ATP6V0A4: variants seen among roughly 807,000 people sequenced by gnomAD.
ATP6V0A4 encodes the protein V-type proton ATPase 116 kDa subunit a 4.
Under a neutral mutation model 107.3 loss-of-function variants are expected in ATP6V0A4, and 86 were observed. The observed-to-expected ratio is 0.80, with a 90% CI of 0.67 to 0.96. The LOEUF (loss-of-function observed/expected upper bound fraction) is 0.96, where lower values mean the gene tolerates loss of function less well. Among genes scored for constraint, ATP6V0A4 ranks in the 40% least tolerant of loss-of-function variants. The probability of loss-of-function intolerance (pLI) is 0.00; values close to 1 mark genes in which losing one functional copy is unlikely to be tolerated. For missense variants in ATP6V0A4, 908 were observed against 1,045.6 expected (o/e 0.87, Z 1.81); for synonymous variants, 353 against 381.4 (o/e 0.93, Z 0.87).
intron 7 of ATP6V0A4, among the ~76,000 whole-genome samples, chr7:138,760,374 C>T (rs893892569): frequency 9.2e-5 from 13 of 140,582 alleles, no homozygotes; most frequent in South Asian, 2.3e-4. Flanking sequence ...ACCTGGGAGG[C>T]GGAGGTTGCA....
rs548738180 is a variant in ATP6V0A4 at position 138,714,193 on chromosome 7, G to A, written c.2257+1571C>T. 5.5e-5 allele frequency among the ~76,000 whole-genome samples: 8 copies of A among 144,934 alleles called. No individual in the cohort carries two copies. In the East Asian group the frequency reaches 8.7e-4, roughly 16 times the overall value. On this transcript the variant is annotated intron_variant, in intron 20 of 21. Coordinates refer to ENST00000310018, the MANE Select transcript of ATP6V0A4 (RefSeq NM_020632.3). ...CCTGGGAGTTCGAGGCCGTGATAGC[G>A]CCACTGCACTCCATCCTGGGCAACA...
intron 5 of ATP6V0A4, 109 bp from the exon 6 acceptor site, chr7:138,763,134 C>T: frequency 4.0e-6 from 6 of 1,506,518 alleles, no homozygotes; most frequent in Non-Finnish European, 5.4e-6. Flanking sequence ...CAGCACATAA[C>T]ATGATTGCAG....
chr7:138,729,803 G>T (rs1584904603), intron 17 of ATP6V0A4, among the ~76,000 whole-genome samples: 2 of 152,328 alleles, frequency 1.3e-5, no homozygotes. Context: ...GTAAATGCCA[G>T]GAGACAATTT....
chr7:138,735,128 C>T (rs1805248914), intron 15 of ATP6V0A4, among the ~76,000 whole-genome samples: 2 of 152,114 alleles, frequency 1.3e-5, no homozygotes, highest in African/African-American at 4.8e-5. Context: ...TGAGGAAAAG[C>T]ACACTGGGTG....
At chr7:138,789,836 GTA>G (rs1366439135) in intron 1 of ATP6V0A4, among the ~76,000 whole-genome samples, 29 of 151,450 alleles carry the variant, frequency 1.9e-4, no homozygotes, top group African/African-American at 3.4e-4. Context: ...GGGCATGGTG[GTA>G]CATGCCTGTA....
rs34413519 is a variant in ATP6V0A4 at position 138,789,968 on chromosome 7, C to CA, written c.-120-3709dup. ...TGGGTGACAGAGCAAGACTCTGTCTCAAAAAAAAAAAAAAAAAAAAAAGTA... is the reference window on the plus strand; with the variant it reads ...TGGGTGACAGAGCAAGACTCTGTCTCAAAAAAAAAAAAAAAAAAAAAAAGTA... On this transcript the variant is annotated intron_variant, in intron 1 of 21. Transcript: ENST00000310018. Among the ~76,000 whole-genome samples, 1,091 of 126,522 alleles carry CA rather than the reference C, an allele frequency of 8.6e-3. 10 individuals carry two copies. Among genetic ancestry groups the CA allele is most frequent in the African/African-American group, 0.012 (427 of 34,944 alleles). The allele number at this position is 126,522 out of a possible 152,430, so 83.0% of individuals were successfully genotyped here.
rs995085640 is a variant in ATP6V0A4 at position 138,780,778 on chromosome 7, T to C, written c.-18+5380A>G. Among the ~76,000 whole-genome samples the C allele has an allele frequency of 3.3e-5, 5 of 152,156 alleles. No individual in the cohort carries two copies. The East Asian group carries it at 9.7e-4, about 29-fold the overall frequency. Reference sequence around the variant, plus strand: ...AAAATTAGCTGGGCGTGGTGGTGCATGCCTGTGCTTCCAGCTACTTGAAAG... The same window carrying C: ...AAAATTAGCTGGGCGTGGTGGTGCACGCCTGTGCTTCCAGCTACTTGAAAG... On this transcript the variant is annotated intron_variant, in intron 2 of 21. Coordinates refer to ENST00000310018, the MANE Select transcript of ATP6V0A4 (RefSeq NM_020632.3).
intron 4 of ATP6V0A4, 82 bp downstream of exon 4, chr7:138,769,091 G>A (rs947141965): frequency 6.9e-6 from 11 of 1,588,410 alleles, no homozygotes; most frequent in Non-Finnish European, 9.4e-6. Flanking sequence ...GGACACATTT[G>A]TTCATTAAGT....
At chr7:138,716,540 C>G (rs929109807) in intron 19 of ATP6V0A4, among the ~76,000 whole-genome samples, 1 of 149,526 alleles carries the variant, frequency 6.7e-6, no homozygotes, top group African/African-American at 2.5e-5. Context: ...CTCATTCTCC[C>G]CTCATGCTCT....
At chr7:138,723,919 T>C (rs1171301125) in intron 18 of ATP6V0A4, among the ~76,000 whole-genome samples, 2 of 151,784 alleles carry the variant, frequency 1.3e-5, no homozygotes, top group East Asian at 1.9e-4. Flanking sequence ...GGTTGAAATA[T>C]TTAAAAGTTA....
intron 19 of ATP6V0A4, among the ~76,000 whole-genome samples, chr7:138,717,763 AC>A (rs1037959562): frequency 1.3e-5 from 2 of 150,476 alleles, no homozygotes; most frequent in African/African-American, 4.9e-5. Context: ...CAAAAATTAG[AC>A]AGGGGTGGTG....
chr7:138,793,209 C>T (rs1187526640), intron 1 of ATP6V0A4, among the ~76,000 whole-genome samples: 1 of 152,108 alleles, frequency 6.6e-6, no homozygotes, highest in Non-Finnish European at 1.5e-5. Context: ...GAAGAAGAAT[C>T]GCTTGGACCC....
At chr7:138,769,827 C>T (rs1807286620) in intron 3 of ATP6V0A4, among the ~76,000 whole-genome samples, 1 of 152,090 alleles carries the variant, frequency 6.6e-6, no homozygotes, top group South Asian at 2.1e-4. Flanking sequence ...CCTGTAATCC[C>T]AACACTTTGG....
At chr7:138,735,418 C>G (rs1022278647) in intron 15 of ATP6V0A4, among the ~76,000 whole-genome samples, 1 of 152,188 alleles carries the variant, frequency 6.6e-6, no homozygotes, top group Non-Finnish European at 1.5e-5. Flanking sequence ...CTCCTCCAAA[C>G]TTCTTTGCTT....
intron 19 of ATP6V0A4, among the ~76,000 whole-genome samples, chr7:138,718,467 GGGA>G (rs1804230701): frequency 2.6e-5 from 3 of 113,364 alleles, no homozygotes; most frequent in East Asian, 2.9e-4. Context: ...AGGAATGGGG[GGGA>G]TGGCGGGGAG....
At chr7:138,791,938 AAAT>A (rs1046617175) in intron 1 of ATP6V0A4, among the ~76,000 whole-genome samples, 1 of 152,212 alleles carries the variant, frequency 6.6e-6, no homozygotes, top group African/African-American at 2.4e-5. Flanking sequence ...TTCACTTGGA[AAAT>A]AATAATAATA....
In ATP6V0A4 at chr7:138,735,190, TAAGG is replaced by T. The variant is rs3840555; in HGVS notation, c.1573-940_1573-937del. ...GGGTTAGTTAGGGTCTCACACTAGCTAAGGACCAGAGTCACTAATATTCATCTTC... is the reference window on the plus strand; with the variant it reads ...GGGTTAGTTAGGGTCTCACACTAGCTACCAGAGTCACTAATATTCATCTTC... On this transcript the variant is annotated intron_variant, in intron 15 of 21. Coordinates refer to ENST00000310018, the MANE Select transcript of ATP6V0A4 (RefSeq NM_020632.3). Among the ~76,000 whole-genome samples, 12 of 152,228 alleles carry T rather than the reference TAAGG, an allele frequency of 7.9e-5. No individual in the cohort carries two copies. The East Asian group carries it at 2.3e-3, about 29-fold the overall frequency.
At chr7:138,781,390 G>A (rs981289466) in intron 2 of ATP6V0A4, among the ~76,000 whole-genome samples, 1 of 151,804 alleles carries the variant, frequency 6.6e-6, no homozygotes, top group African/African-American at 2.4e-5. Context: ...GAGTGCAGTG[G>A]TGCAATCTTG....
Position 138,718,705 on chromosome 7 carries a change from TGCGGAGGGAGACGTCC to T in ATP6V0A4, c.2140-2840_2140-2825del, listed in dbSNP as rs1293815326. ...GGGGGGGGGTGCAGTCACGGATGTCTGCGGAGGGAGACGTCCAGGAAGGAATGGCGGTGCAGTCACT... is the reference window on the plus strand; with the variant it reads ...GGGGGGGGGTGCAGTCACGGATGTCTAGGAAGGAATGGCGGTGCAGTCACT... On this transcript the variant is annotated intron_variant, in intron 19 of 21. Transcript: ENST00000310018. 1.5e-4 allele frequency among the ~76,000 whole-genome samples: 19 copies of T among 128,028 alleles called. 1 individual carries two copies. Among genetic ancestry groups the T allele is most frequent in the Non-Finnish European group, 1.5e-4 (9 of 58,396 alleles). The allele number at this position is 128,028 out of a possible 152,430, so 84.0% of individuals were successfully genotyped here.
Sources: gnomAD v4.1 joint callset for allele counts (sites outside exome capture counted in the v4.1 genomes callset) on GRCh38, gnomAD v4.1.1 for gene constraint, MANE v1.5 for transcripts, NCBI Gene and HGNC (gene_info 2026-07-23, HGNC 2026-07-21) for gene names.